SLC22A23: variants seen among roughly 807,000 people sequenced by gnomAD.
SLC22A23 encodes solute carrier family 22 member 23.
In SLC22A23, 26 loss-of-function variants were observed where a neutral mutation model predicts 61.0. The observed-to-expected ratio is 0.43, with a 90% CI of 0.31 to 0.59. The LOEUF (loss-of-function observed/expected upper bound fraction) is 0.59. Among genes scored for constraint, SLC22A23 ranks in the 20% least tolerant of loss-of-function variants. The pLI is 0.11. For missense variants in SLC22A23, 796 were observed against 934.7 expected (o/e 0.85, Z 1.94); for synonymous variants, 430 against 413.9 (o/e 1.04, Z -0.47).
In SLC22A23 at chr6:3,286,758, T is replaced by G; in HGVS notation, c.1546+101A>C. 2.9e-6 allele frequency: 3 copies of G among 1,029,416 alleles called. No individual in the cohort carries two copies. Among genetic ancestry groups the G allele is most frequent in the Non-Finnish European group, 4.3e-6 (3 of 696,628 alleles). 63.8% of individuals were successfully genotyped at this position (1,029,416 alleles called of 1,614,324 possible). A position where few individuals can be genotyped will look rare whatever the true frequency, so the allele number is the denominator to read the frequency against. ...CAAAGCAGCTCCTTCCAGCAGTAGA[T>G]TTTAGAGTGGCCAGCGGAGTCTTAT... On this transcript the variant is annotated intron_variant, in intron 7 of 9. Coordinates refer to ENST00000406686, the MANE Select transcript of SLC22A23 (RefSeq NM_015482.2). This position sits in a 1 kb window ranked among gnomAD's most constrained non-coding sequence, Gnocchi z 4.2.
chr6:3,437,493 C>T (rs956097838), intron 1 of SLC22A23, among the ~76,000 whole-genome samples: 1 of 151,636 alleles, frequency 6.6e-6, no homozygotes, highest in Non-Finnish European at 1.5e-5. Flanking sequence ...CTGGCTAACA[C>T]AGTGAAACCC....
chr6:3,283,593 A>G (rs1759683471), intron 9 of SLC22A23: 1 of 445,064 alleles, frequency 2.2e-6, no homozygotes, highest in South Asian at 2.1e-5. Flanking sequence ...ACACTGACAT[A>G]TTTCCTGGGC....
chr6:3,294,396 T>C (rs1760888995), intron 5 of SLC22A23, among the ~76,000 whole-genome samples: 1 of 152,234 alleles, frequency 6.6e-6, no homozygotes. Flanking sequence ...AAGGAAATGC[T>C]CACTGGAGCA....
chr6:3,295,894 A>G (rs1266583951), intron 5 of SLC22A23, among the ~76,000 whole-genome samples: 1 of 152,192 alleles, frequency 6.6e-6, no homozygotes, highest in Non-Finnish European at 1.5e-5. Context: ...ACATGTCACC[A>G]ACTGCCTCTC....
intron 9 of SLC22A23, among the ~76,000 whole-genome samples, chr6:3,281,802 A>T (rs539478742): frequency 6.6e-6 from 1 of 152,156 alleles, no homozygotes; most frequent in South Asian, 2.1e-4. Context: ...AACGCTAGAC[A>T]TTCTCCCAGC....
intron 4 of SLC22A23, among the ~76,000 whole-genome samples, chr6:3,299,814 CTGTT>C (rs149657444): frequency 0.088 from 13,383 of 152,004 alleles, 1,873 homozygotes; most frequent in African/African-American, 0.29. Context: ...TGACCCTTGA[CTGTT>C]TGGGAGAGAC....
At chr6:3,274,830 TAAAAG>T (rs1241323724) in intron 9 of SLC22A23, among the ~76,000 whole-genome samples, 1 of 152,092 alleles carries the variant, frequency 6.6e-6, no homozygotes, top group African/African-American at 2.4e-5. Context: ...TGCTGAAAAT[TAAAAG>T]ATAAAAATAA....
rs1045570668 is a variant in SLC22A23, at chr6:3,333,913, A to T, written c.914-9911T>A. Among the ~76,000 whole-genome samples, 20 of 152,230 alleles carry T rather than the reference A, an allele frequency of 1.3e-4. No homozygotes were observed. The highest frequency in any genetic ancestry group is 4.8e-4 in the African/African-American group (20 of 41,470). On this transcript the variant is annotated intron_variant, in intron 3 of 9. Coordinates refer to ENST00000406686, the MANE Select transcript of SLC22A23 (RefSeq NM_015482.2). The surrounding 1 kb of genome is among the most constrained non-coding windows in gnomAD (Gnocchi z 4.1). ...AAGAACCACTGCAGTATACTTTGCA[A>T]ATATTAGCCACTGAATCCTCCTCAT...
intron 9 of SLC22A23, among the ~76,000 whole-genome samples, chr6:3,273,918 CTTTAAAAGAGTAGT>C (rs1758665621): frequency 6.6e-6 from 1 of 152,226 alleles, no homozygotes; most frequent in Admixed American, 6.5e-5. Flanking sequence ...CTGCAAGATA[CTTTAAAAGAGTAGT>C]TTCCTCACTG....
chr6:3,354,084 G>A (rs979830580), intron 3 of SLC22A23, among the ~76,000 whole-genome samples: 1 of 152,260 alleles, frequency 6.6e-6, no homozygotes, highest in Non-Finnish European at 1.5e-5. Flanking sequence ...GGCCTGATTG[G>A]ATTGTGGAAA....
At chr6:3,302,859 T>A (rs933199526) in intron 4 of SLC22A23, 1 of 148,138 alleles carries the variant, frequency 6.8e-6, no homozygotes, top group African/African-American at 2.4e-5. Flanking sequence ...ACCATACAGC[T>A]GATCCTGGAG....
intron 3 of SLC22A23, among the ~76,000 whole-genome samples, chr6:3,367,064 G>A (rs997569143): frequency 1.3e-5 from 2 of 152,184 alleles, no homozygotes; most frequent in South Asian, 2.1e-4. Flanking sequence ...AACTCCTGAC[G>A]AGATGCCTTC....
At chr6:3,311,503 C>G (rs1027597929) in intron 4 of SLC22A23, among the ~76,000 whole-genome samples, 2 of 152,120 alleles carry the variant, frequency 1.3e-5, no homozygotes, top group Non-Finnish European at 2.9e-5. Flanking sequence ...AGCTTGGATT[C>G]TGTACATAAT....
At position 3,421,297 on chromosome 6, in the gene SLC22A23, C is replaced by T. The variant is rs75580515; in HGVS notation, c.655-5442G>A. On this transcript the variant is annotated intron_variant, in intron 1 of 9. Coordinates refer to ENST00000406686, the MANE Select transcript of SLC22A23 (RefSeq NM_015482.2). ...ACTTTAAATGGGGTCTACTCTTTAT[C>T]CCAGCAATTCCCTTTCTTGGAACTT... 7.6e-3 allele frequency among the ~76,000 whole-genome samples: 1,164 copies of T among 152,248 alleles called. 20 individuals carry two copies. Among genetic ancestry groups the T allele is most frequent in the African/African-American group, 0.027 (1,107 of 41,550 alleles).
intron 1 of SLC22A23, among the ~76,000 whole-genome samples, chr6:3,417,746 C>T (rs1486693378): frequency 3.9e-5 from 6 of 152,196 alleles, no homozygotes; most frequent in African/African-American, 1.4e-4. Flanking sequence ...GAATGAGCTT[C>T]ACTGTCTTGG....
At chr6:3,294,214 G>A (rs765768145) in intron 5 of SLC22A23, among the ~76,000 whole-genome samples, 4 of 152,010 alleles carry the variant, frequency 2.6e-5, no homozygotes, top group Non-Finnish European at 4.4e-5. Context: ...CATATGAAGC[G>A]CTTCCTCCGA....
At chr6:3,453,188 T>C (rs74484504) in intron 1 of SLC22A23, among the ~76,000 whole-genome samples, 33 of 152,302 alleles carry the variant, frequency 2.2e-4, no homozygotes, top group Middle Eastern at 3.4e-3. Context: ...GCTTAAGTAC[T>C]GTAGATTTTT....
At chr6:3,331,663 G>A (rs528758708) in intron 3 of SLC22A23, among the ~76,000 whole-genome samples, 12 of 152,284 alleles carry the variant, frequency 7.9e-5, no homozygotes, top group Admixed American at 5.9e-4. Flanking sequence ...ACTCAAATGA[G>A]GAACAGGGAT....
chr6:3,273,213 G>C lies in SLC22A23; in HGVS notation c.1903C>G (p.His635Asp). 1 of 1,613,244 alleles carries C rather than the reference G, an allele frequency of 6.2e-7. No individual in the cohort carries two copies. Among genetic ancestry groups the C allele is most frequent in the Non-Finnish European group, 8.5e-7 (1 of 1,179,632 alleles). The change falls in exon 10 of 10, where the codon CAC (histidine) becomes GAC (aspartate). Residue 635 changes from histidine to aspartate, a missense_variant. Coordinates refer to ENST00000406686, the MANE Select transcript of SLC22A23 (RefSeq NM_015482.2). ...NLPENISNGE[H>D]YTRQPLLPHK... ...GGCAGCAGCGGCTGGCGCGTGTAGT[G>C]CTCCCCGTTAGAAATGTTCTCAGGC...
Sources: allele counts gnomAD v4.1 joint callset (sites outside exome capture counted in the v4.1 genomes callset), GRCh38; gene constraint gnomAD v4.1.1; non-coding constraint Gnocchi (gnomAD v3.1); transcripts MANE v1.5; gene names NCBI Gene and HGNC (gene_info 2026-07-23, HGNC 2026-07-21).